CEP350: variants seen among roughly 807,000 people sequenced by gnomAD.
CEP350 encodes the protein centrosome-associated protein 350.
In CEP350, 126 loss-of-function variants were observed where a neutral mutation model predicts 331.8. The observed-to-expected ratio is 0.38, with a 90% CI of 0.33 to 0.44. CEP350 has a LOEUF of 0.44. CEP350 is among the 20% of genes least tolerant of loss of function. The pLI is 1.00. For synonymous variants in CEP350, 1,200 were observed against 1,259.5 expected, an observed-to-expected ratio of 0.95 and a Z score of 1.00; for missense variants, 3,406 against 3,634.6, an observed-to-expected ratio of 0.94 and a Z score of 1.62.
At chr1:179,988,941 G>A (rs1032113503) in intron 3 of CEP350, among the ~76,000 whole-genome samples, 2 of 152,002 alleles carry the variant, frequency 1.3e-5, no homozygotes, top group African/African-American at 2.4e-5. Context: ...TTTCTATAGT[G>A]TAGAAATAGT....
chr1:180,090,542 T>A, intron 32 of CEP350, among the ~76,000 whole-genome samples, 172 bp from the exon 33 acceptor site: 1 of 19,858 alleles, frequency 5.0e-5, no homozygotes, highest in Admixed American at 1.3e-3. Context: ...CGAGACTCCG[T>A]CTCAAAAAAA....
rs751503105 is a variant in CEP350 at position 180,014,354 on chromosome 1, G to A, written c.1901G>A (p.Arg634Gln). Residue 634 changes from arginine (R) to glutamine (Q), a missense_variant, in exon 10 of 38, where the codon CGG (arginine) becomes CAG (glutamine). Transcript: ENST00000367607. ...QKNKRLQELY[R>Q]KQKEAFTKVK... ...AACAAACGATTACAAGAGCTCTACC[G>A]GAAGCAGAAGGAAGCCTTTACTAAA... is the stretch of plus-strand genomic sequence containing the variant. 2.5e-5 allele frequency: 39 copies of A among 1,590,348 alleles called. No homozygotes were observed. Among genetic ancestry groups the A allele is most frequent in the African/African-American group, 6.7e-5 (5 of 74,460 alleles).
At chr1:179,961,858 C>CT (rs1024775003) in intron 1 of CEP350, among the ~76,000 whole-genome samples, 10 of 150,946 alleles carry the variant, frequency 6.6e-5, no homozygotes, top group Non-Finnish European at 1.2e-4. Flanking sequence ...CACTTCCCAC[C>CT]TTTTTTTTTG....
chr1:180,039,130 G>A (rs1461118464), intron 17 of CEP350, among the ~76,000 whole-genome samples: 1 of 151,438 alleles, frequency 6.6e-6, no homozygotes, highest in Non-Finnish European at 1.5e-5. Flanking sequence ...GGGCGTGGTG[G>A]GGGGGTGGGG....
intron 7 of CEP350, among the ~76,000 whole-genome samples, chr1:180,004,957 CCT>C (rs1456557827): frequency 1.1e-4 from 5 of 45,554 alleles, no homozygotes; most frequent in East Asian, 6.3e-4. Flanking sequence ...CTTTCTTTCC[CCT>C]CTCTCTCTTT....
chr1:180,062,895 C>A (rs1571942844), intron 26 of CEP350, among the ~76,000 whole-genome samples: 1 of 152,320 alleles, frequency 6.6e-6, no homozygotes, highest in East Asian at 1.9e-4. Flanking sequence ...AACATTCAAA[C>A]CGTAGCAATG....
intron 27 of CEP350, among the ~76,000 whole-genome samples, chr1:180,069,669 A>G (rs1658770381): frequency 6.6e-6 from 1 of 152,204 alleles, no homozygotes; most frequent in East Asian, 1.9e-4. Flanking sequence ...TTTGCTATAG[A>G]AAATCATACC....
At chr1:180,102,134 AT>A (rs750296355) in intron 37 of CEP350, among the ~76,000 whole-genome samples, 5,781 of 133,858 alleles carry the variant, frequency 0.043, 169 homozygotes, top group African/African-American at 0.08. Context: ...CACCCTTGAC[AT>A]TTTTTTTTTT....
In CEP350 at chr1:180,090,708, C is replaced by T. The variant is rs1217927376; in HGVS notation, c.6426-6C>T. Reference sequence around the variant, plus strand: ...TTATTTCTGCTCATTAATTTTTACACGTCAGATCTGAAACGGCAAAGAATT... The same window carrying T: ...TTATTTCTGCTCATTAATTTTTACATGTCAGATCTGAAACGGCAAAGAATT... On this transcript the variant is annotated splice_polypyrimidine_tract_variant and splice_region_variant and intron_variant, in intron 32 of 37. Coordinates refer to ENST00000367607, the MANE Select transcript of CEP350 (RefSeq NM_014810.5). The T allele has an allele frequency of 3.9e-6, 6 of 1,544,736 alleles. No individual in the cohort carries two copies. Among genetic ancestry groups the T allele is most frequent in the South Asian group, 3.6e-5 (3 of 82,498 alleles).
intron 37 of CEP350, among the ~76,000 whole-genome samples, chr1:180,107,407 T>C (rs1661202138): frequency 6.6e-6 from 1 of 152,196 alleles, no homozygotes; most frequent in African/African-American, 2.4e-5. Flanking sequence ...GCACGGTGGC[T>C]CACCTAATCC....
chr1:180,037,585 C>A (rs369065751), intron 17 of CEP350, among the ~76,000 whole-genome samples: 31 of 152,192 alleles, frequency 2.0e-4, no homozygotes, highest in South Asian at 6.2e-4. Context: ...AACAAAAAAA[C>A]CCCTGAGTTA....
At chr1:179,958,556 C>T (rs1650346329) in intron 1 of CEP350, among the ~76,000 whole-genome samples, 1 of 152,184 alleles carries the variant, frequency 6.6e-6, no homozygotes, top group South Asian at 2.1e-4. Context: ...CTGAGCATAT[C>T]CTTCAGCTCC....
chr1:180,054,168 A>G (rs1364417081), intron 24 of CEP350, among the ~76,000 whole-genome samples: 1 of 152,236 alleles, frequency 6.6e-6, no homozygotes, highest in South Asian at 2.1e-4. Flanking sequence ...TTATGTTGTC[A>G]TATGATGCAA....
chr1:180,012,703 T>G (rs1254567991), intron 9 of CEP350, among the ~76,000 whole-genome samples: 1 of 152,220 alleles, frequency 6.6e-6, no homozygotes, highest in African/African-American at 2.4e-5. Context: ...CAATTTAATT[T>G]GAATTTCTGG....
At chr1:179,968,808 C>T in intron 1 of CEP350, 1 of 695,062 alleles carries the variant, frequency 1.4e-6, no homozygotes, top group South Asian at 1.4e-5. Context: ...TGAAGAGGAC[C>T]TGAAAGAAGC....
intron 18 of CEP350, 95 bp downstream of exon 18, chr1:180,041,343 T>G (rs1656747628): frequency 4.7e-6 from 4 of 857,262 alleles, no homozygotes; most frequent in Non-Finnish European, 7.1e-6. Context: ...GAGAAAAAAG[T>G]GTATATATAA....
At chr1:180,030,169 C>T (rs1655920592) in intron 14 of CEP350, among the ~76,000 whole-genome samples, 2 of 149,192 alleles carry the variant, frequency 1.3e-5, no homozygotes, top group South Asian at 2.1e-4. Context: ...TTTTCTTTTG[C>T]TCTTTAACCA....
Position 180,003,059 on chromosome 1 carries a change from A to G in CEP350, c.1019-115A>G, listed in dbSNP as rs542754339. On this transcript the variant is annotated intron_variant, in intron 6 of 37. Transcript: ENST00000367607. Reference sequence around the variant, plus strand: ...ATATACTATAAACCACTGAATTGTAACACTAAAAGAGTGAATTTTATGTAT... The same window carrying G: ...ATATACTATAAACCACTGAATTGTAGCACTAAAAGAGTGAATTTTATGTAT... 65 of 654,250 alleles carry G rather than the reference A, an allele frequency of 9.9e-5. 1 individual carries two copies. In the African/African-American group the frequency reaches 1.1e-3, roughly 12 times the overall value. The allele number at this position is 654,250 out of a possible 1,614,324, so 40.5% of individuals were successfully genotyped here.
At position 180,045,053 on chromosome 1, in the gene CEP350, T is replaced by C. The variant is rs114935086; in HGVS notation, c.4622+880T>C. Among the ~76,000 whole-genome samples, 978 of 147,678 alleles carry C rather than the reference T, an allele frequency of 6.6e-3. 4 individuals carry two copies. Among genetic ancestry groups the C allele is most frequent in the South Asian group, 8.6e-3 (39 of 4,544 alleles). On this transcript the variant is annotated intron_variant, in intron 21 of 37. Transcript: ENST00000367607. Reference sequence around the variant, plus strand: ...CAAATTTTTATTGTTATAAAAAATATTGAATAGGCCGGGCACAGTGACTCA... The same window carrying C: ...CAAATTTTTATTGTTATAAAAAATACTGAATAGGCCGGGCACAGTGACTCA...
Sources: gnomAD v4.1 joint callset for allele counts (sites outside exome capture counted in the v4.1 genomes callset) on GRCh38, gnomAD v4.1.1 for gene constraint, MANE v1.5 for transcripts, NCBI Gene and HGNC (gene_info 2026-07-23, HGNC 2026-07-21) for gene names.